The following SPIDR variants were observed in gnomAD, a reference collection of about 807,000 sequenced individuals.
The protein encoded by SPIDR is scaffold protein involved in DNA repair, also known as DNA repair-scaffolding protein.
A neutral mutation model predicts 104.6 loss-of-function variants in SPIDR; 93 were observed. The observed-to-expected ratio is 0.89, with a 90% CI of 0.75 to 1.06. SPIDR has a LOEUF of 1.06. Ranked by LOEUF, SPIDR falls within the 50% of genes least tolerant of loss-of-function variation. The pLI, the probability that SPIDR is intolerant of heterozygous loss-of-function variation, is 0.00. For synonymous variants in SPIDR, 431 were observed against 416.9 expected (o/e 1.03, Z -0.41); for missense variants, 1,154 against 1,111.2 (o/e 1.04, Z -0.55).
rs139327037 is a variant in SPIDR at position 47,529,409 on chromosome 8, A to G, written c.1098-66402A>G. On this transcript the variant is annotated intron_variant, in intron 8 of 19. Transcript: ENST00000297423. ...CGCCTGGGCAACAGAGCGAGACTCC[A>G]TCTCAAAAAATAAATAAATAAAATA... Among the ~76,000 whole-genome samples the G allele has an allele frequency of 3.1e-3, 478 of 152,158 alleles. 2 individuals carry two copies. The highest frequency in any genetic ancestry group is 0.011 in the African/African-American group (461 of 41,496).
At chr8:47,640,376 A>G (rs778999235) in intron 10 of SPIDR, among the ~76,000 whole-genome samples, 3 of 152,190 alleles carry the variant, frequency 2.0e-5, no homozygotes, top group Non-Finnish European at 4.4e-5. Context: ...ACCCACCAAA[A>G]GAGTTAGAAA....
chr8:47,566,456 G>A (rs967200238), intron 8 of SPIDR, among the ~76,000 whole-genome samples: 1 of 151,974 alleles, frequency 6.6e-6, no homozygotes, highest in Non-Finnish European at 1.5e-5. Flanking sequence ...AGAATTGTAG[G>A]ACTAGAAAGG....
chr8:47,640,207 A>G (rs958745957), intron 10 of SPIDR, among the ~76,000 whole-genome samples: 2 of 152,102 alleles, frequency 1.3e-5, no homozygotes, highest in African/African-American at 4.8e-5. Flanking sequence ...ACACCCTGAG[A>G]TCTTTTGTTA....
At chr8:47,409,818 C>T (rs909608391) in intron 7 of SPIDR, among the ~76,000 whole-genome samples, 6 of 152,168 alleles carry the variant, frequency 3.9e-5, no homozygotes. Context: ...CACTTGAGGC[C>T]AAGAGTTCAA....
chr8:47,296,444 T>C (rs1175857926), intron 5 of SPIDR, among the ~76,000 whole-genome samples: 2 of 152,206 alleles, frequency 1.3e-5, no homozygotes, highest in African/African-American at 4.8e-5. Context: ...TTTTGGTGTA[T>C]GGTGTGAGAT....
chr8:47,434,480 T>G (rs2067919967), intron 7 of SPIDR, among the ~76,000 whole-genome samples: 2 of 152,198 alleles, frequency 1.3e-5, no homozygotes, highest in South Asian at 2.1e-4. Context: ...TCTCTGAAGA[T>G]AAAGAGAGAC....
At chr8:47,648,955 G>A (rs1029029706) in intron 10 of SPIDR, among the ~76,000 whole-genome samples, 23 of 152,282 alleles carry the variant, frequency 1.5e-4, no homozygotes, top group African/African-American at 5.3e-4. Flanking sequence ...CCTACACAAT[G>A]TTTTTTAACT....
intron 5 of SPIDR, among the ~76,000 whole-genome samples, chr8:47,338,094 T>C (rs2050098466): frequency 1.3e-5 from 2 of 152,186 alleles, no homozygotes; most frequent in Admixed American, 1.3e-4. Context: ...AAGTTTAGAG[T>C]AAGCTTTTCC....
At chr8:47,452,335 TGAAA>T (rs2071966702) in intron 8 of SPIDR, among the ~76,000 whole-genome samples, 1 of 152,208 alleles carries the variant, frequency 6.6e-6, no homozygotes, top group East Asian at 1.9e-4. Flanking sequence ...TTTAAAGACC[TGAAA>T]GAATCTTCCC....
chr8:47,287,217 T>A (rs915325744), intron 3 of SPIDR, among the ~76,000 whole-genome samples: 1 of 149,536 alleles, frequency 6.7e-6, no homozygotes, highest in Non-Finnish European at 1.5e-5. Flanking sequence ...AAAGATCACA[T>A]GCTTCTGAGG....
intron 8 of SPIDR, among the ~76,000 whole-genome samples, chr8:47,460,347 G>A (rs968254691): frequency 1.3e-5 from 2 of 152,142 alleles, no homozygotes; most frequent in African/African-American, 4.8e-5. Flanking sequence ...ATTTAGGATT[G>A]TGATATTTTC....
At chr8:47,572,673 A>AAAGTAAATAAAT (rs780386853) in intron 8 of SPIDR, among the ~76,000 whole-genome samples, 3 of 145,874 alleles carry the variant, frequency 2.1e-5, no homozygotes, top group Non-Finnish European at 3.0e-5. Flanking sequence ...AAATTAAATT[A>AAAGTAAATAAAT]AAATAAATAA....
At chr8:47,320,934 G>C (rs1030713781) in intron 5 of SPIDR, among the ~76,000 whole-genome samples, 2 of 152,130 alleles carry the variant, frequency 1.3e-5, no homozygotes, top group Non-Finnish European at 2.9e-5. Flanking sequence ...ATTAGGTATT[G>C]ATGGGACGTA....
chr8:47,317,614 C>T (rs1278365835), intron 5 of SPIDR, among the ~76,000 whole-genome samples: 3 of 152,262 alleles, frequency 2.0e-5, no homozygotes, highest in South Asian at 2.1e-4. Context: ...TCCCAGCACG[C>T]AGCTGGAGGT....
chr8:47,405,317 T>C (rs1277722429), intron 6 of SPIDR, among the ~76,000 whole-genome samples: 2 of 151,716 alleles, frequency 1.3e-5, no homozygotes, highest in Non-Finnish European at 2.9e-5. Context: ...TGTGTGTGTG[T>C]GTGTGTATAT....
chr8:47,595,845 G>C lies in SPIDR; in HGVS notation c.1132G>C (p.Val378Leu). The C allele has an allele frequency of 1.2e-6, 2 of 1,614,146 alleles. No homozygotes were observed. The highest frequency in any genetic ancestry group is 1.7e-6 in the Non-Finnish European group (2 of 1,180,016). ...GATTATTCCAAGTGGAAGTTGCCCT[G>C]TTATTCTGAATACTTACTTTTGTGA... ...KLIIPSGSCP[V>L]ILNTYFCEKV... The change falls in exon 9 of 20, where the codon GTT (valine) becomes CTT (leucine). Residue 378 changes from valine to leucine, a missense_variant. Physicochemically the swap from Val to Leu is conservative, Grantham distance 32. Transcript: ENST00000297423.
At chr8:47,552,457 G>A (rs1175014197) in intron 8 of SPIDR, among the ~76,000 whole-genome samples, 3 of 152,178 alleles carry the variant, frequency 2.0e-5, no homozygotes, top group Non-Finnish European at 2.9e-5. Context: ...GGGTGCTCCT[G>A]TATTGGGTGC....
At chr8:47,590,907 T>TGTA (rs2060928947) in intron 8 of SPIDR, among the ~76,000 whole-genome samples, 1 of 152,214 alleles carries the variant, frequency 6.6e-6, no homozygotes, top group African/African-American at 2.4e-5. Flanking sequence ...TGCCTTTCTA[T>TGTA]ATTTGGAGTT....
chr8:47,705,270 C>T (rs1011697316), intron 14 of SPIDR, among the ~76,000 whole-genome samples: 8 of 152,198 alleles, frequency 5.3e-5, no homozygotes, highest in African/African-American at 9.6e-5. Context: ...TAATCCCCTC[C>T]TATCCAAGAA....
Sources: gnomAD v4.1 joint callset for allele counts (sites outside exome capture counted in the v4.1 genomes callset) on GRCh38, gnomAD v4.1.1 for gene constraint, MANE v1.5 for transcripts, NCBI Gene and HGNC (gene_info 2026-07-23, HGNC 2026-07-21) for gene names.